The following DIAPH2 variants were observed in gnomAD, a reference collection of about 807,000 sequenced individuals.
DIAPH2 encodes the protein diaphanous related formin 2.
In DIAPH2, 35 loss-of-function variants were observed where a neutral mutation model predicts 92.7. The observed-to-expected ratio is 0.38, with a 90% CI of 0.29 to 0.50. The LOEUF (loss-of-function observed/expected upper bound fraction) is 0.50, where lower values mean the gene tolerates loss of function less well. Ranked by LOEUF, DIAPH2 falls within the 20% of genes least tolerant of loss-of-function variation. The pLI, the probability that DIAPH2 is intolerant of heterozygous loss-of-function variation, is 0.94. For missense variants in DIAPH2, 701 were observed against 819.5 expected (o/e 0.86, Z 1.77); for synonymous variants, 301 against 280.4 (o/e 1.07, Z -0.73).
chrX:97,226,230 T>C (rs2067963850), intron 22 of DIAPH2, among the ~76,000 whole-genome samples: 2 of 112,183 alleles, frequency 1.8e-5, no homozygotes, highest in Non-Finnish European at 3.8e-5. Flanking sequence ...TTCCTTCCAC[T>C]GTAAACTGGA....
intron 4 of DIAPH2, among the ~76,000 whole-genome samples, chrX:96,864,310 T>A (rs1602576245): frequency 9.5e-6 from 1 of 104,966 alleles, no homozygotes; most frequent in East Asian, 3.1e-4. Context: ...TTTTTTTTTT[T>A]AACCACATGG....
intron 17 of DIAPH2, among the ~76,000 whole-genome samples, chrX:97,038,412 TA>T (rs2066425573): frequency 8.9e-6 from 1 of 111,898 alleles, no homozygotes; most frequent in Non-Finnish European, 1.9e-5. Context: ...ATAGATCTTT[TA>T]GTTCTTTATG....
chrX:97,569,555 A>G (rs2071350499), intron 26 of DIAPH2, among the ~76,000 whole-genome samples: 1 of 111,434 alleles, frequency 9.0e-6, no homozygotes, highest in African/African-American at 3.3e-5. Context: ...GACTTTGTGG[A>G]TAGTGCGTGA....
At chrX:97,166,491 A>G (rs1225516550) in intron 22 of DIAPH2, among the ~76,000 whole-genome samples, 1 of 111,925 alleles carries the variant, frequency 8.9e-6, no homozygotes, top group Non-Finnish European at 1.9e-5. Context: ...AAATGAAAAT[A>G]AAAGCATAAA....
chrX:96,775,551 T>C (rs2064372257), intron 4 of DIAPH2, among the ~76,000 whole-genome samples: 1 of 111,260 alleles, frequency 9.0e-6, no homozygotes, highest in Admixed American at 9.7e-5. Flanking sequence ...TAGAAACATC[T>C]TGAGTGTTCA....
At chrX:97,376,994 G>A (rs779094982) in intron 24 of DIAPH2, among the ~76,000 whole-genome samples, 9 of 111,948 alleles carry the variant, frequency 8.0e-5, no homozygotes, top group Admixed American at 3.8e-4. Flanking sequence ...AGGGCACTTA[G>A]CATGAATGCA....
At chrX:96,850,151 C>T (rs1303408335) in intron 4 of DIAPH2, among the ~76,000 whole-genome samples, 1 of 111,279 alleles carries the variant, frequency 9.0e-6, no homozygotes, top group Non-Finnish European at 1.9e-5. Context: ...CCCCACTGGA[C>T]CAAATCCTAA....
intron 4 of DIAPH2, among the ~76,000 whole-genome samples, chrX:96,814,899 G>A (rs1441179915): frequency 9.0e-6 from 1 of 111,397 alleles, no homozygotes; most frequent in Non-Finnish European, 1.9e-5. Flanking sequence ...CCTTCGTCTG[G>A]AAGCTTTGTC....
chrX:97,470,081 G>T (rs1335213600), intron 26 of DIAPH2, among the ~76,000 whole-genome samples: 1 of 111,459 alleles, frequency 9.0e-6, no homozygotes, highest in Non-Finnish European at 1.9e-5. Flanking sequence ...TCTAACATAT[G>T]ATCTCTGTCC....
At chrX:97,358,647 T>A (rs1210595327) in intron 24 of DIAPH2, among the ~76,000 whole-genome samples, 1 of 111,709 alleles carries the variant, frequency 9.0e-6, no homozygotes, top group Non-Finnish European at 1.9e-5. Context: ...ATTGTTACAG[T>A]TACTACTTTT....
chrX:96,779,801 G>C (rs1021417389), intron 4 of DIAPH2, among the ~76,000 whole-genome samples: 2 of 112,269 alleles, frequency 1.8e-5, no homozygotes, highest in Non-Finnish European at 3.8e-5. Flanking sequence ...CAATAATCCA[G>C]AGCAATGCTT....
chrX:96,698,117 GTTGCATA>G (rs2063835114), intron 1 of DIAPH2, among the ~76,000 whole-genome samples: 1 of 111,727 alleles, frequency 9.0e-6, no homozygotes, highest in Non-Finnish European at 1.9e-5. Context: ...CTTTACTACT[GTTGCATA>G]TTGCATATGA....
At chrX:96,957,035 C>A (rs1046268314) in intron 15 of DIAPH2, among the ~76,000 whole-genome samples, 2 of 112,183 alleles carry the variant, frequency 1.8e-5, no homozygotes, top group East Asian at 5.6e-4. Flanking sequence ...TTTATTATTT[C>A]TTTGAGACGG....
intron 23 of DIAPH2, among the ~76,000 whole-genome samples, chrX:97,282,061 A>G (rs2068502351): frequency 9.0e-6 from 1 of 110,894 alleles, no homozygotes; most frequent in African/African-American, 3.3e-5. Flanking sequence ...TGAGGGTATG[A>G]AATTTATTTA....
At chrX:97,213,890 A>T (rs1426019320) in intron 22 of DIAPH2, among the ~76,000 whole-genome samples, 1 of 112,109 alleles carries the variant, frequency 8.9e-6, no homozygotes, top group Non-Finnish European at 1.9e-5. Context: ...ACTCATATTA[A>T]TATTAACCTC....
intron 17 of DIAPH2, among the ~76,000 whole-genome samples, chrX:97,007,226 C>T (rs147877732): frequency 4.5e-3 from 505 of 111,694 alleles, no homozygotes; most frequent in Non-Finnish European, 7.4e-3. Context: ...ACAATTACAG[C>T]GTTACAATAT....
intron 9 of DIAPH2, 97 bp downstream of exon 9, chrX:96,918,714 G>A (rs1008251933): frequency 3.4e-6 from 2 of 595,233 alleles, no homozygotes; most frequent in African/African-American, 4.8e-5. Flanking sequence ...TAAGTAGTAT[G>A]GAATGTAAAA....
intron 25 of DIAPH2, among the ~76,000 whole-genome samples, chrX:97,399,133 T>G (rs769438066): frequency 2.1e-4 from 24 of 111,733 alleles, no homozygotes; most frequent in Non-Finnish European, 3.2e-4. Flanking sequence ...TGAGGAGCCA[T>G]CTCAAAAATT....
chrX:97,355,913 G>A (rs1232003980), intron 24 of DIAPH2, among the ~76,000 whole-genome samples: 1 of 111,762 alleles, frequency 8.9e-6, no homozygotes, highest in East Asian at 2.8e-4. Context: ...ATATAGCAAT[G>A]AACAAAACAG....
Sources: allele counts gnomAD v4.1 joint callset (sites outside exome capture counted in the v4.1 genomes callset), GRCh38; gene constraint gnomAD v4.1.1; transcripts MANE v1.5; gene names NCBI Gene and HGNC (gene_info 2026-07-23, HGNC 2026-07-21).